AHCY: variants seen among roughly 807,000 people sequenced by gnomAD.
AHCY encodes the protein S-adenosyl-L-homocysteine hydrolase.
Under a neutral mutation model 45.4 loss-of-function variants are expected in AHCY, and 24 were observed. The observed-to-expected ratio is 0.53, with a 90% confidence interval of 0.38 to 0.74. AHCY has a LOEUF of 0.74. Ranked by LOEUF, AHCY falls within the 30% of genes least tolerant of loss-of-function variation. AHCY has a pLI of 0.00. For missense variants in AHCY, 449 were observed against 594.1 expected, an observed-to-expected ratio of 0.76 and a Z score of 2.54; for synonymous variants, 245 against 235.1, an observed-to-expected ratio of 1.04 and a Z score of -0.39.
At chr20:34,259,841 T>C in the AHCY span, among the ~76,000 whole-genome samples, 1 of 152,290 alleles carries the variant, frequency 6.6e-6, no homozygotes, top group East Asian at 1.9e-4. Flanking sequence ...AAACTATACC[T>C]GCATTCGTTC....
chr20:34,247,946 G>A, the AHCY span, among the ~76,000 whole-genome samples: 18 of 152,228 alleles, frequency 1.2e-4, no homozygotes, highest in African/African-American at 3.6e-4. Context: ...TGGCACATGC[G>A]TGTAATCCCA....
Position 34,295,477 on chromosome 20 carries a change from T to G in AHCY, c.137A>C (p.Lys46Thr), listed in dbSNP as rs749145409. The G allele has an allele frequency of 1.2e-6, 2 of 1,614,076 alleles. No individual in the cohort carries two copies. The highest frequency in any genetic ancestry group is 1.7e-5 in the Admixed American group (1 of 60,018). ...RERYSASKPLKGARIAGCLHM... is the reference protein window; with the variant it reads ...RERYSASKPLTGARIAGCLHM... ...CAGGCAGCCAGCGATGCGGGCGCCC[T>G]TCAGTGGCTTGGAGGCCGAGTACCG... The change falls in exon 2 of 10, where the codon AAG becomes ACG. Residue 46 changes from lysine (K) to threonine (T), a missense_variant. Coordinates refer to ENST00000217426, the MANE Select transcript of AHCY (RefSeq NM_000687.4).
chr20:34,270,987 G>A, the AHCY span, among the ~76,000 whole-genome samples: 2 of 147,488 alleles, frequency 1.4e-5, no homozygotes, highest in African/African-American at 2.7e-5. Flanking sequence ...TTGTTTGTTT[G>A]TTTTGAGAAA....
intron 1 of AHCY, among the ~76,000 whole-genome samples, chr20:34,297,865 G>A (rs999494498): frequency 4.6e-5 from 7 of 152,132 alleles, no homozygotes; most frequent in African/African-American, 1.2e-4. Flanking sequence ...TTGAATGGGC[G>A]CGGTGGCTCA....
the AHCY span, among the ~76,000 whole-genome samples, chr20:34,257,076 T>TC: frequency 1.3e-5 from 2 of 151,110 alleles, no homozygotes; most frequent in Non-Finnish European, 2.9e-5. Context: ...TTCTCTTTTT[T>TC]TTTTTTGTTT....
chr20:34,273,794 C>T, the AHCY span, among the ~76,000 whole-genome samples: 3 of 152,118 alleles, frequency 2.0e-5, no homozygotes, highest in South Asian at 2.1e-4. Context: ...ATGTTGGGAG[C>T]GGGTATTGGG....
At chr20:34,250,670 G>T in the AHCY span, among the ~76,000 whole-genome samples, 6 of 152,150 alleles carry the variant, frequency 3.9e-5, no homozygotes, top group African/African-American at 1.4e-4. Context: ...AGTGGTGCAT[G>T]CCTGTAATCC....
chr20:34,267,642 C>A, the AHCY span, among the ~76,000 whole-genome samples: 1 of 151,958 alleles, frequency 6.6e-6, no homozygotes, highest in African/African-American at 2.4e-5. Flanking sequence ...AACAATTCTC[C>A]TGCCTCAGCC....
At chr20:34,276,335 G>A (rs2035910183), downstream of AHCY, among the ~76,000 whole-genome samples, 1 of 152,160 alleles carries the variant, frequency 6.6e-6, no homozygotes, top group Non-Finnish European at 1.5e-5. Flanking sequence ...TTATGGAACA[G>A]GCTTTAGGGG....
At chr20:34,249,637 C>A in the AHCY span, among the ~76,000 whole-genome samples, 1 of 152,092 alleles carries the variant, frequency 6.6e-6, no homozygotes, top group Admixed American at 6.5e-5. Context: ...ACAAGGGGTC[C>A]TACATTTCAT....
chr20:34,271,171 G>A, the AHCY span, among the ~76,000 whole-genome samples: 44 of 151,934 alleles, frequency 2.9e-4, no homozygotes, highest in Non-Finnish European at 5.4e-4. Flanking sequence ...CAAACTCCTG[G>A]CTTCAAGTGA....
chr20:34,300,138 T>C (rs752134726), intron 1 of AHCY, among the ~76,000 whole-genome samples: 28 of 152,020 alleles, frequency 1.8e-4, no homozygotes, highest in Non-Finnish European at 3.1e-4. Context: ...TGAGCTAAAA[T>C]AGCACCACTG....
the AHCY span, among the ~76,000 whole-genome samples, chr20:34,236,070 GAA>G: frequency 2.1e-5 from 3 of 139,596 alleles, no homozygotes; most frequent in Non-Finnish European, 4.6e-5. Context: ...GAGAGAGAAA[GAA>G]AGAGAAAGAG....
the AHCY span, among the ~76,000 whole-genome samples, chr20:34,255,765 G>A: frequency 2.6e-5 from 4 of 152,216 alleles, no homozygotes; most frequent in Non-Finnish European, 5.9e-5. Context: ...AGGGCCACTA[G>A]AGGGCTTCCT....
the AHCY span, among the ~76,000 whole-genome samples, chr20:34,268,357 G>A: frequency 6.6e-6 from 1 of 152,238 alleles, no homozygotes; most frequent in East Asian, 1.9e-4. Flanking sequence ...AACAGGGGTC[G>A]GAGAGGCAAG....
At chr20:34,286,513 G>A (rs1013994494) in intron 8 of AHCY, 5 of 152,242 alleles carry the variant, frequency 3.3e-5, no homozygotes, top group African/African-American at 1.2e-4. Flanking sequence ...CGCTCACATT[G>A]GAATCACCTC....
At chr20:34,252,760 C>T in the AHCY span, among the ~76,000 whole-genome samples, 21 of 152,156 alleles carry the variant, frequency 1.4e-4, no homozygotes, top group African/African-American at 5.1e-4. Context: ...CAGGCTGTCT[C>T]AGTGGGGGGA....
the AHCY span, among the ~76,000 whole-genome samples, chr20:34,273,599 C>T: frequency 6.6e-6 from 1 of 152,198 alleles, no homozygotes; most frequent in South Asian, 2.1e-4. Context: ...CCCAGTCATA[C>T]AGTAGGAACT....
At chr20:34,260,620 C>A in the AHCY span, 5 of 1,385,728 alleles carry the variant, frequency 3.6e-6, no homozygotes, top group Non-Finnish European at 4.9e-6. Flanking sequence ...CAGGATCCAC[C>A]GCCATGGTCA....
Sources: gnomAD v4.1 joint callset for allele counts (sites outside exome capture counted in the v4.1 genomes callset) on GRCh38, gnomAD v4.1.1 for gene constraint, MANE v1.5 for transcripts, NCBI Gene and HGNC (gene_info 2026-07-23, HGNC 2026-07-21) for gene names.